Variants in LRRC8A observed in about 807,000 individuals in gnomAD.
LRRC8A encodes volume-regulated anion channel subunit LRRC8A.
LRRC8A carries 24 observed loss-of-function variants against 52.5 expected under a neutral mutation model. That is an observed-to-expected ratio of 0.46 (90% confidence interval 0.33 to 0.64). LRRC8A has a LOEUF of 0.64. Among genes scored for constraint, LRRC8A ranks in the 30% least tolerant of loss-of-function variants. The pLI is 0.02. For missense variants in LRRC8A, 677 were observed against 1,094.7 expected (o/e 0.62, Z 5.38); for synonymous variants, 492 against 494.2 (o/e 1.00, Z 0.06).
chr9:128,897,585 C>T (rs1839866215), intron 2 of LRRC8A, among the ~76,000 whole-genome samples: 1 of 151,722 alleles, frequency 6.6e-6, no homozygotes, highest in Non-Finnish European at 1.5e-5. Flanking sequence ...ATTCTTGTTG[C>T]CCAGGCTGGG....
At chr9:128,893,433 C>T (rs990479153) in intron 2 of LRRC8A, among the ~76,000 whole-genome samples, 1 of 152,166 alleles carries the variant, frequency 6.6e-6, no homozygotes, top group African/African-American at 2.4e-5. Context: ...AGCTATAACC[C>T]ATTTTAGGAT....
chr9:128,916,548 C>T lies in LRRC8A; in HGVS notation c.*177C>T. 1.3e-6 allele frequency: 1 copy of T among 764,916 alleles called. No individual in the cohort carries two copies. The highest frequency in any genetic ancestry group is 2.0e-6 in the Non-Finnish European group (1 of 490,906). 47.4% of individuals were successfully genotyped at this position (764,916 alleles called of 1,614,324 possible). On this transcript the variant is annotated 3_prime_UTR_variant, in exon 4 of 4. Coordinates refer to ENST00000372600, the MANE Select transcript of LRRC8A (RefSeq NM_019594.4). This position sits in a 1 kb window ranked among gnomAD's most constrained non-coding sequence, Gnocchi z 6.1. ...GAGAGGACAGTATCTGTGGGGCTGG[C>T]CCCTTTTCTCCCTCTGAGACTCACG...
chr9:128,915,904 G>A (rs1840793584), intron 3 of LRRC8A, among the ~76,000 whole-genome samples, 192 bp from the exon 4 acceptor site: 1 of 152,186 alleles, frequency 6.6e-6, no homozygotes, highest in South Asian at 2.1e-4. Flanking sequence ...AGGCTTCCTG[G>A]AGGAAGTGAG....
chr9:128,888,193 G>A (rs1839471542), intron 2 of LRRC8A, among the ~76,000 whole-genome samples: 1 of 152,152 alleles, frequency 6.6e-6, no homozygotes, highest in South Asian at 2.1e-4. Context: ...GAGGAACTCT[G>A]TCCCCTGGAG....
In LRRC8A at chr9:128,902,944, C is replaced by T. The variant is rs1025748022; in HGVS notation, c.-8-4213C>T. Among the ~76,000 whole-genome samples, 4 of 152,070 alleles carry T rather than the reference C, an allele frequency of 2.6e-5. No homozygotes were observed. Among genetic ancestry groups the T allele is most frequent in the East Asian group, 1.9e-4 (1 of 5,192 alleles). Reference sequence around the variant, plus strand: ...CCTGAGCGCTGGTAATGCTGAGGGGCGGGGAAGCTGCACTCCCAGTCCTGT... The same window carrying T: ...CCTGAGCGCTGGTAATGCTGAGGGGTGGGGAAGCTGCACTCCCAGTCCTGT... On this transcript the variant is annotated intron_variant, in intron 2 of 3. Transcript: ENST00000372600. This position sits in a 1 kb window ranked among gnomAD's most constrained non-coding sequence, Gnocchi z 4.1.
chr9:128,904,808 C>T (rs376379515), intron 2 of LRRC8A, among the ~76,000 whole-genome samples: 10 of 151,914 alleles, frequency 6.6e-5, no homozygotes, highest in African/African-American at 2.2e-4. Flanking sequence ...TCCTGGCTAA[C>T]ACGGTGAAAC....
chr9:128,895,303 C>G (rs781358341), intron 2 of LRRC8A, among the ~76,000 whole-genome samples: 2 of 152,094 alleles, frequency 1.3e-5, no homozygotes, highest in Non-Finnish European at 2.9e-5. Context: ...GAGCCAAGAC[C>G]GTGCCACTGC....
intron 2 of LRRC8A, among the ~76,000 whole-genome samples, chr9:128,886,964 G>A (rs1421954618): frequency 1.3e-5 from 2 of 152,266 alleles, no homozygotes; most frequent in Admixed American, 6.5e-5. Context: ...AAGGACATGC[G>A]GCTTGAATCC....
rs1042496911 is a variant in LRRC8A, at chr9:128,899,514, C to A, written c.-8-7643C>A. The stretch of plus-strand genomic sequence containing the variant: ...CGGTATGAAGTTGGGCAGAAGACTT[C>A]TGTCTCTGAGCCGGTTTCCGTGGTT... On this transcript the variant is annotated intron_variant, in intron 2 of 3. Transcript: ENST00000372600. The surrounding 1 kb of genome is among the most constrained non-coding windows in gnomAD (Gnocchi z 4.0). Among the ~76,000 whole-genome samples, 1 of 151,934 alleles carries A rather than the reference C, an allele frequency of 6.6e-6. No individual in the cohort carries two copies. The highest frequency in any genetic ancestry group is 2.4e-5 in the African/African-American group (1 of 41,354).
chr9:128,898,931 G>A (rs1373329401), intron 2 of LRRC8A, among the ~76,000 whole-genome samples: 1 of 152,260 alleles, frequency 6.6e-6, no homozygotes, highest in Admixed American at 6.5e-5. Context: ...AAGGTGCTGA[G>A]AGGGGAAGGC....
At chr9:128,901,364 TGA>T (rs1227028307) in intron 2 of LRRC8A, among the ~76,000 whole-genome samples, 1 of 149,044 alleles carries the variant, frequency 6.7e-6, no homozygotes, top group Non-Finnish European at 1.5e-5. Context: ...CTTGGGAGGC[TGA>T]GTCAGGGGAA....
At chr9:128,891,812 G>A (rs1229282484) in intron 2 of LRRC8A, among the ~76,000 whole-genome samples, 4 of 151,956 alleles carry the variant, frequency 2.6e-5, no homozygotes, top group Non-Finnish European at 5.9e-5. Flanking sequence ...AGGTGGGTCC[G>A]GGAGGCCTGC....
intron 2 of LRRC8A, among the ~76,000 whole-genome samples, chr9:128,886,769 TG>T (rs1328997759): frequency 6.6e-6 from 1 of 152,176 alleles, no homozygotes; most frequent in Non-Finnish European, 1.5e-5. Context: ...TCCTAGAAGG[TG>T]GTCCCGAGTC....
intron 3 of LRRC8A, among the ~76,000 whole-genome samples, chr9:128,910,509 A>G (rs1840467778): frequency 6.6e-6 from 1 of 152,190 alleles, no homozygotes; most frequent in Non-Finnish European, 1.5e-5. Context: ...CCTGGGCAAC[A>G]TAGGGAAACC....
At chr9:128,894,307 C>A (rs1399080816) in intron 2 of LRRC8A, among the ~76,000 whole-genome samples, 1 of 151,432 alleles carries the variant, frequency 6.6e-6, no homozygotes, top group Non-Finnish European at 1.5e-5. Context: ...CACGATGAAA[C>A]CCCGTCTGTA....
At chr9:128,883,864 T>C (rs1277751278) in intron 1 of LRRC8A, among the ~76,000 whole-genome samples, 2 of 151,976 alleles carry the variant, frequency 1.3e-5, no homozygotes, top group African/African-American at 2.4e-5. Flanking sequence ...ATCCCAGCTA[T>C]TCGGGAGGCT....
intron 1 of LRRC8A, among the ~76,000 whole-genome samples, chr9:128,883,695 C>T (rs1430703308): frequency 2.0e-5 from 3 of 152,154 alleles, no homozygotes; most frequent in Non-Finnish European, 1.5e-5. Flanking sequence ...GGGTGCAGGG[C>T]CGGGCGTGGT....
At chr9:128,895,301 A>G (rs1230387288) in intron 2 of LRRC8A, among the ~76,000 whole-genome samples, 1 of 152,142 alleles carries the variant, frequency 6.6e-6, no homozygotes, top group Non-Finnish European at 1.5e-5. Context: ...GTGAGCCAAG[A>G]CCGTGCCACT....
intron 1 of LRRC8A, chr9:128,882,757 C>T: frequency 2.5e-6 from 1 of 398,998 alleles, no homozygotes; most frequent in Non-Finnish European, 4.4e-6. Context: ...GGGGCAGGAT[C>T]CCCGGCTAGG....
Sources: gnomAD v4.1 joint callset for allele counts (sites outside exome capture counted in the v4.1 genomes callset) on GRCh38, gnomAD v4.1.1 for gene constraint, Gnocchi (gnomAD v3.1) non-coding constraint, MANE v1.5 for transcripts, NCBI Gene and HGNC (gene_info 2026-07-23, HGNC 2026-07-21) for gene names.